The following STPG2 variants were observed in gnomAD, a reference collection of about 807,000 sequenced individuals.
The protein encoded by STPG2 is sperm-tail PG-rich repeat-containing protein 2.
Under a neutral mutation model 54.2 loss-of-function variants are expected in STPG2, and 56 were observed. That is an observed-to-expected ratio of 1.03 (90% confidence interval 0.83 to 1.29). The LOEUF (loss-of-function observed/expected upper bound fraction) is 1.29. Among genes scored for constraint, STPG2 ranks in the 50% most tolerant of loss-of-function variants. The pLI is 0.00. For missense variants in STPG2, 596 were observed against 544.9 expected, an observed-to-expected ratio of 1.09 and a Z score of -0.93; for synonymous variants, 200 against 181.8, an observed-to-expected ratio of 1.10 and a Z score of -0.81.
At chr4:97,692,135 T>A (rs961231013) in intron 10 of STPG2, among the ~76,000 whole-genome samples, 1 of 151,418 alleles carries the variant, frequency 6.6e-6, no homozygotes, top group African/African-American at 2.4e-5. Context: ...TCCTTAACAC[T>A]CCCAAAAGAT....
intron 7 of STPG2, among the ~76,000 whole-genome samples, chr4:97,956,304 T>C (rs962426176): frequency 1.3e-5 from 2 of 152,062 alleles, no homozygotes; most frequent in African/African-American, 4.8e-5. Context: ...AATGTAATAT[T>C]GATGAAATGA....
chr4:97,611,698 A>C (rs1733733910), intron 10 of STPG2, among the ~76,000 whole-genome samples: 1 of 151,954 alleles, frequency 6.6e-6, no homozygotes, highest in Non-Finnish European at 1.5e-5. Flanking sequence ...CCTACAATAA[A>C]GGTGACATGA....
chr4:97,625,216 G>A (rs981573261), intron 10 of STPG2, among the ~76,000 whole-genome samples: 1 of 152,106 alleles, frequency 6.6e-6, no homozygotes, highest in Non-Finnish European at 1.5e-5. Context: ...TTTTCAATAC[G>A]GAAAAACATT....
chr4:97,828,320 T>C (rs1171225726), intron 9 of STPG2, among the ~76,000 whole-genome samples: 2 of 152,094 alleles, frequency 1.3e-5, no homozygotes, highest in Admixed American at 6.6e-5. Context: ...AGGGAAGCCA[T>C]GAGGGACTGT....
chr4:97,742,546 TG>T (rs1725284197), intron 9 of STPG2, among the ~76,000 whole-genome samples: 8 of 143,906 alleles, frequency 5.6e-5, no homozygotes, highest in Non-Finnish European at 1.5e-5. Context: ...TGTGTGTGTG[TG>T]TGTGTGTGTG....
intron 8 of STPG2, among the ~76,000 whole-genome samples, chr4:97,875,570 G>A (rs1241815690): frequency 1.3e-5 from 2 of 151,848 alleles, no homozygotes; most frequent in Non-Finnish European, 2.9e-5. Context: ...TTCCACTTTT[G>A]GATGAAATTC....
At chr4:97,682,683 G>T (rs965638759) in intron 10 of STPG2, among the ~76,000 whole-genome samples, 1 of 151,690 alleles carries the variant, frequency 6.6e-6, no homozygotes, top group African/African-American at 2.4e-5. Flanking sequence ...TATAAAGAAA[G>T]CACTATTATT....
intron 9 of STPG2, among the ~76,000 whole-genome samples, chr4:97,798,965 G>A (rs1195475747): frequency 3.0e-5 from 2 of 66,146 alleles, no homozygotes; most frequent in African/African-American, 1.2e-4. Flanking sequence ...TTTGATCTTT[G>A]TTGTTTTAAA....
At chr4:97,694,548 C>G (rs1048477693) in intron 10 of STPG2, among the ~76,000 whole-genome samples, 1 of 151,892 alleles carries the variant, frequency 6.6e-6, no homozygotes, top group Non-Finnish European at 1.5e-5. Flanking sequence ...GTGGCTCACG[C>G]CTGTAATCCC....
chr4:98,014,694 T>A (rs1259949617), intron 5 of STPG2, among the ~76,000 whole-genome samples: 1 of 152,208 alleles, frequency 6.6e-6, no homozygotes, highest in Non-Finnish European at 1.5e-5. Context: ...ACTATATTCC[T>A]TATAGTCAAT....
At chr4:98,072,332 C>T (rs937395220) in intron 5 of STPG2, among the ~76,000 whole-genome samples, 6 of 152,118 alleles carry the variant, frequency 3.9e-5, no homozygotes, top group Non-Finnish European at 8.8e-5. Flanking sequence ...ATCGTATGTT[C>T]TCACTTTCAA....
chr4:98,031,105 A>T (rs1736582930), intron 5 of STPG2, among the ~76,000 whole-genome samples: 1 of 152,114 alleles, frequency 6.6e-6, no homozygotes, highest in South Asian at 2.1e-4. Flanking sequence ...AATAAACCCA[A>T]ATACTTAAAG....
At chr4:98,120,704 T>A (rs1427262887) in intron 3 of STPG2, among the ~76,000 whole-genome samples, 1 of 152,240 alleles carries the variant, frequency 6.6e-6, no homozygotes. Flanking sequence ...TACACAAATA[T>A]CTTCTTTTGA....
intron 4 of STPG2, among the ~76,000 whole-genome samples, chr4:97,465,956 T>G (rs2148811644): frequency 6.6e-6 from 1 of 152,222 alleles, no homozygotes; most frequent in South Asian, 2.1e-4. Context: ...GGTTTGTAAC[T>G]TTTTGGTTGT....
At chr4:97,635,357 G>A (rs1266815578) in intron 10 of STPG2, among the ~76,000 whole-genome samples, 1 of 152,176 alleles carries the variant, frequency 6.6e-6, no homozygotes, top group Non-Finnish European at 1.5e-5. Context: ...ACATGGAAAG[G>A]AACAACTGGT....
chr4:97,648,090 C>T (rs1412899408), intron 10 of STPG2, among the ~76,000 whole-genome samples: 1 of 152,134 alleles, frequency 6.6e-6, no homozygotes, highest in Non-Finnish European at 1.5e-5. Context: ...CCTTTAGTTG[C>T]TGGCGTGGTC....
chr4:97,699,610 C>A (rs1723699296), intron 10 of STPG2, among the ~76,000 whole-genome samples: 1 of 152,224 alleles, frequency 6.6e-6, no homozygotes, highest in African/African-American at 2.4e-5. Context: ...AGGTGCACTG[C>A]TCAAAGTTCT....
At chr4:97,734,134 C>T (rs796741014) in intron 9 of STPG2, among the ~76,000 whole-genome samples, 14 of 152,236 alleles carry the variant, frequency 9.2e-5, no homozygotes, top group African/African-American at 3.4e-4. Context: ...ATAATGTTAC[C>T]TGTGTACTTG....
chr4:97,676,094 A>G (rs1304264379), intron 10 of STPG2, among the ~76,000 whole-genome samples: 1 of 147,174 alleles, frequency 6.8e-6, no homozygotes. Flanking sequence ...TATATACTAA[A>G]TATATACTAT....
Sources: gnomAD v4.1 joint callset for allele counts (sites outside exome capture counted in the v4.1 genomes callset) on GRCh38, gnomAD v4.1.1 for gene constraint, MANE v1.5 for transcripts, NCBI Gene and HGNC (gene_info 2026-07-23, HGNC 2026-07-21) for gene names.